Variants in NKAIN2 observed in about 807,000 individuals in gnomAD.
NKAIN2 encodes the protein sodium/potassium transporting ATPase interacting 2, also known as sodium/potassium-transporting ATPase subunit beta-1-interacting protein 2.
NKAIN2 carries 14 observed loss-of-function variants against 32.6 expected under a neutral mutation model. That is an observed-to-expected ratio of 0.43 (90% confidence interval 0.28 to 0.67). NKAIN2 has a LOEUF of 0.67. Ranked by LOEUF, NKAIN2 falls within the 30% of genes least tolerant of loss-of-function variation. The pLI is 0.17. For synonymous variants in NKAIN2, 80 were observed against 87.2 expected, an observed-to-expected ratio of 0.92 and a Z score of 0.46; for missense variants, 198 against 258.3, an observed-to-expected ratio of 0.77 and a Z score of 1.60.
rs766482280 is a variant in NKAIN2 at position 124,453,322 on chromosome 6, A to AACACACACACACACACACACAC, written c.273+98001_273+98022dup. 2.5e-4 allele frequency among the ~76,000 whole-genome samples: 16 copies of AACACACACACACACACACACAC among 63,932 alleles called. 1 individual carries two copies. Among genetic ancestry groups the AACACACACACACACACACACAC allele is most frequent in the African/African-American group, 7.7e-4 (15 of 19,488 alleles). 41.9% of individuals were successfully genotyped at this position (63,932 alleles called of 152,430 possible). A position where few individuals can be genotyped will look rare whatever the true frequency, so the allele number is the denominator to read the frequency against. On this transcript the variant is annotated intron_variant, in intron 3 of 6. Coordinates refer to ENST00000368417, the MANE Select transcript of NKAIN2 (RefSeq NM_001040214.3). ...TTTCTCCCCCTCATACATGCATATA[A>AACACACACACACACACACACAC]ACACACACACACACACACACACACA...
intron 1 of NKAIN2, among the ~76,000 whole-genome samples, chr6:124,228,856 C>T (rs1030013992): frequency 3.3e-5 from 5 of 152,158 alleles, no homozygotes; most frequent in African/African-American, 1.2e-4. Flanking sequence ...ACCAGATATA[C>T]TTTCAATAGA....
intron 3 of NKAIN2, among the ~76,000 whole-genome samples, chr6:124,566,278 A>G (rs1226273249): frequency 6.6e-6 from 1 of 152,210 alleles, no homozygotes; most frequent in Non-Finnish European, 1.5e-5. Context: ...ATATTGGTCT[A>G]CTTCCTGGGA....
At chr6:124,467,438 T>A (rs985881314) in intron 3 of NKAIN2, among the ~76,000 whole-genome samples, 1 of 152,232 alleles carries the variant, frequency 6.6e-6, no homozygotes, top group South Asian at 2.1e-4. Context: ...AAGAAAAGAC[T>A]TCACTACAGT....
At chr6:124,355,734 A>C (rs1347786341) in intron 3 of NKAIN2, among the ~76,000 whole-genome samples, 1 of 152,186 alleles carries the variant, frequency 6.6e-6, no homozygotes, top group Non-Finnish European at 1.5e-5. Context: ...TAACAGTGCA[A>C]TAATTGAAAC....
intron 1 of NKAIN2, among the ~76,000 whole-genome samples, chr6:123,970,158 T>C (rs910559688): frequency 6.6e-6 from 1 of 151,968 alleles, no homozygotes; most frequent in Non-Finnish European, 1.5e-5. Flanking sequence ...AACTGGAAGA[T>C]ACACATCAAA....
chr6:123,987,022 G>A (rs1214482971), intron 1 of NKAIN2, among the ~76,000 whole-genome samples: 1 of 152,144 alleles, frequency 6.6e-6, no homozygotes, highest in Non-Finnish European at 1.5e-5. Flanking sequence ...AATTCATACG[G>A]CTCTCAGTTT....
chr6:124,107,352 GA>G (rs1447660699), intron 1 of NKAIN2, among the ~76,000 whole-genome samples: 1 of 152,086 alleles, frequency 6.6e-6, no homozygotes, highest in Non-Finnish European at 1.5e-5. Flanking sequence ...TGATAGGGTA[GA>G]AAACCAATTG....
At chr6:124,160,793 T>A (rs9491076) in intron 1 of NKAIN2, among the ~76,000 whole-genome samples, 9,258 of 152,152 alleles carry the variant, frequency 0.061, 952 homozygotes, top group African/African-American at 0.21. Context: ...ATATCTGAAA[T>A]CCCAAATTTA....
intron 1 of NKAIN2, among the ~76,000 whole-genome samples, chr6:123,895,584 A>T (rs1165097629): frequency 6.6e-6 from 1 of 152,226 alleles, no homozygotes; most frequent in African/African-American, 2.4e-5. Flanking sequence ...TTAGGGTCAC[A>T]GGAACATGAA....
intron 3 of NKAIN2, among the ~76,000 whole-genome samples, chr6:124,449,825 G>A (rs1198623839): frequency 6.6e-6 from 1 of 152,114 alleles, no homozygotes; most frequent in Non-Finnish European, 1.5e-5. Flanking sequence ...CCAAAGGGGT[G>A]GAGCTGTAGC....
At chr6:124,290,417 A>G (rs1795748656) in intron 2 of NKAIN2, among the ~76,000 whole-genome samples, 1 of 152,074 alleles carries the variant, frequency 6.6e-6, no homozygotes, top group Non-Finnish European at 1.5e-5. Context: ...ATCAAAAAGT[A>G]AAATTGGGCT....
chr6:124,433,135 C>T (rs1462482387), intron 3 of NKAIN2, among the ~76,000 whole-genome samples: 2 of 152,190 alleles, frequency 1.3e-5, no homozygotes, highest in African/African-American at 4.8e-5. Context: ...CAGCCCTCGC[C>T]ATTCTGACCA....
intron 1 of NKAIN2, among the ~76,000 whole-genome samples, chr6:123,983,832 G>A (rs1168115990): frequency 6.6e-6 from 1 of 151,848 alleles, no homozygotes; most frequent in Non-Finnish European, 1.5e-5. Flanking sequence ...GTTCTTCATG[G>A]TTTTATTCTA....
At position 123,907,689 on chromosome 6, in the gene NKAIN2, C is replaced by T. The variant is rs142541129; in HGVS notation, c.54+103435C>T. Among the ~76,000 whole-genome samples, 524 of 152,182 alleles carry T rather than the reference C, an allele frequency of 3.4e-3. 6 individuals carry two copies. The highest frequency in any genetic ancestry group is 0.024 in the East Asian group (126 of 5,180). ...TCATTAATGATAGCCTCTCACCCCC[C>T]ACTGCTGCCCCAGCCCAATGCATGA... On this transcript the variant is annotated intron_variant, in intron 1 of 6. Transcript: ENST00000368417.
At chr6:123,999,007 G>C (rs1779765740) in intron 1 of NKAIN2, among the ~76,000 whole-genome samples, 1 of 151,644 alleles carries the variant, frequency 6.6e-6, no homozygotes, top group Admixed American at 6.6e-5. Context: ...ACATTTGCTT[G>C]CTTTTAGGAG....
At chr6:123,954,395 G>C (rs1006070320) in intron 1 of NKAIN2, among the ~76,000 whole-genome samples, 4 of 145,542 alleles carry the variant, frequency 2.7e-5, no homozygotes, top group Non-Finnish European at 5.9e-5. Context: ...TAGGATGGTG[G>C]ACTATAGGGG....
At chr6:124,097,972 A>G (rs942333277) in intron 1 of NKAIN2, among the ~76,000 whole-genome samples, 22 of 151,466 alleles carry the variant, frequency 1.5e-4, no homozygotes, top group African/African-American at 5.4e-4. Flanking sequence ...GAGATGGACT[A>G]TACTCATTAT....
intron 1 of NKAIN2, among the ~76,000 whole-genome samples, chr6:124,156,969 G>C (rs802266): frequency 6.6e-6 from 1 of 151,476 alleles, no homozygotes; most frequent in Non-Finnish European, 1.5e-5. Flanking sequence ...GTGGTGTGGT[G>C]GTGCACATCT....
chr6:124,507,971 G>A (rs1778553608), intron 3 of NKAIN2, among the ~76,000 whole-genome samples: 1 of 152,076 alleles, frequency 6.6e-6, no homozygotes, highest in Non-Finnish European at 1.5e-5. Flanking sequence ...CACCCAATTA[G>A]GCCAGGCACA....
Sources: gnomAD v4.1 joint callset for allele counts (sites outside exome capture counted in the v4.1 genomes callset) on GRCh38, gnomAD v4.1.1 for gene constraint, MANE v1.5 for transcripts, NCBI Gene and HGNC (gene_info 2026-07-23, HGNC 2026-07-21) for gene names.